The following SPTA1 variants were observed in gnomAD, a reference collection of about 807,000 sequenced individuals.
SPTA1 encodes spectrin alpha, erythrocytic 1, also known as spectrin alpha chain, erythrocytic 1.
SPTA1 carries 177 observed loss-of-function variants against 324.7 expected under a neutral mutation model. That is an observed-to-expected ratio of 0.55 (90% CI 0.48 to 0.62). The LOEUF (loss-of-function observed/expected upper bound fraction) is 0.62. Among genes scored for constraint, SPTA1 ranks in the 20% least tolerant of loss-of-function variants. The pLI is 0.00. For missense variants in SPTA1, 3,162 were observed against 2,883.6 expected, an observed-to-expected ratio of 1.10 and a Z score of -2.21; for synonymous variants, 1,195 against 1,041.3, an observed-to-expected ratio of 1.15 and a Z score of -2.84.
At chr1:158,621,193 A>T (rs918801529) in intron 43 of SPTA1, among the ~76,000 whole-genome samples, 1 of 151,908 alleles carries the variant, frequency 6.6e-6, no homozygotes, top group Non-Finnish European at 1.5e-5. Context: ...AAAAGCATGA[A>T]TTTTTTCAAA....
rs1651410083 is a variant in SPTA1, at chr1:158,639,903, T to C, written c.4842A>G (p.Thr1614=). 5 of 1,613,966 alleles carry C rather than the reference T, an allele frequency of 3.1e-6. No homozygotes were observed. Among genetic ancestry groups the C allele is most frequent in the Non-Finnish European group, 4.2e-6 (5 of 1,179,940 alleles). The part of the protein sequence containing the change: ...NEASRQQRFN[T]SIRDFEFWLS... ...GCCAGAACTCAAAGTCCCGGATGCT[T>C]GTGTTGAACCTCTGTTGACGACTGG... The change falls in exon 34 of 52, where the codon ACA becomes ACG. Residue 1614 remains threonine, a synonymous_variant. Coordinates refer to ENST00000643759, the MANE Select transcript of SPTA1 (RefSeq NM_003126.4).
chr1:158,672,138 CGAT>C lies in SPTA1; in HGVS notation c.1406_1408del (p.His469del), dbSNP rs775280006. The C allele has an allele frequency of 3.1e-6, 5 of 1,613,966 alleles. No individual in the cohort carries two copies. The African/African-American group carries it at 6.7e-5, about 22-fold the overall frequency. On this transcript the variant is annotated inframe_deletion, in exon 11 of 52. Transcript: ENST00000643759. ...AAAGTCCAAGCACTGCTCATACTGA[CGAT>C]GACGCTCGTCCCACAGTTCCAGCAG...
Position 158,652,486 on chromosome 1 carries a change from T to A in SPTA1, c.3356A>T (p.Lys1119Met). The A allele has an allele frequency of 6.2e-7, 1 of 1,614,152 alleles. No homozygotes were observed. Among genetic ancestry groups the A allele is most frequent in the Non-Finnish European group, 8.5e-7 (1 of 1,180,014 alleles). Residue 1119 changes from lysine (K) to methionine (M), a missense_variant, in exon 23 of 52, where the codon AAG (lysine) becomes ATG (methionine). Lys to Met is a moderately conservative substitution (Grantham distance 95). Coordinates refer to ENST00000643759, the MANE Select transcript of SPTA1 (RefSeq NM_003126.4). ...ELDDVWELQK[K>M]FDEFQKDLNT... The stretch of plus-strand genomic sequence containing the variant: ...TCTCACCTTTTGGAACTCATCAAAC[T>A]TTTTCTGCAGCTCCCAAACATCATC...
chr1:158,616,336 A>C (rs765277563), intron 47 of SPTA1, among the ~76,000 whole-genome samples: 2 of 152,148 alleles, frequency 1.3e-5, no homozygotes, highest in African/African-American at 2.4e-5. Flanking sequence ...TCTATCAATT[A>C]CTAGTCTTAT....
At chr1:158,645,918 CT>C (rs1651969420) in intron 27 of SPTA1, among the ~76,000 whole-genome samples, 1 of 152,168 alleles carries the variant, frequency 6.6e-6, no homozygotes, top group Non-Finnish European at 1.5e-5. Context: ...TGTGGTATAA[CT>C]AAAAGCAGAC....
At chr1:158,676,340 ACT>A (rs1227756503) in intron 7 of SPTA1, 45 bp from the exon 8 acceptor site, 2 of 1,609,122 alleles carry the variant, frequency 1.2e-6, no homozygotes, top group African/African-American at 2.7e-5. Context: ...AAGTACTCTG[ACT>A]CCCCCTGGCA....
At position 158,674,392 on chromosome 1, in the gene SPTA1, A is replaced by G; in HGVS notation, c.1287T>C (p.Ala429=). The part of the protein sequence containing the change: ...IDSYDDRFQS[A]DETGQDLVNA... ...TCACGAGGTCTTGACCAGTCTCATC[A>G]GCAGATTGAAATCGGTCATCGTAAG... The change falls in exon 10 of 52, where the codon GCT becomes GCC. Residue 429 remains alanine (A), a synonymous_variant. Transcript: ENST00000643759. 1.2e-6 allele frequency: 2 copies of G among 1,614,144 alleles called. No homozygotes were observed. Among genetic ancestry groups the G allele is most frequent in the Non-Finnish European group, 8.5e-7 (1 of 1,179,972 alleles).
chr1:158,624,377 A>G (rs56037767), intron 42 of SPTA1, among the ~76,000 whole-genome samples: 51,778 of 152,060 alleles, frequency 0.34, 9,363 homozygotes, highest in African/African-American at 0.46. Context: ...CAGGGGTGGA[A>G]CTGCCCAAGG....
Position 158,615,240 on chromosome 1 carries a change from T to C in SPTA1, c.6764A>G (p.Asn2255Ser). ...CTTGGCCTGGATCTGTTGCTCCAGGTTGTGTTGCATCCGCAACCCAAGCTG... is the reference window on the plus strand; with the variant it reads ...CTTGGCCTGGATCTGTTGCTCCAGGCTGTGTTGCATCCGCAACCCAAGCTG... ...LYQLGLRMQHNLEQQIQAKDI... is the reference protein window; with the variant it reads ...LYQLGLRMQHSLEQQIQAKDI... Residue 2255 changes from asparagine (N) to serine (S), a missense_variant, in exon 48 of 52, where the codon AAC becomes AGC. By Grantham distance (46) the Asn-to-Ser change is conservative. Transcript: ENST00000643759. 6.2e-7 allele frequency: 1 copy of C among 1,613,478 alleles called. No individual in the cohort carries two copies. The highest frequency in any genetic ancestry group is 8.5e-7 in the Non-Finnish European group (1 of 1,179,980).
At chr1:158,669,205 A>G (rs1371190624) in intron 14 of SPTA1, among the ~76,000 whole-genome samples, 1 of 152,180 alleles carries the variant, frequency 6.6e-6, no homozygotes, top group Non-Finnish European at 1.5e-5. Context: ...ACATCAGAAT[A>G]TAGGAAAACC....
chr1:158,627,467 C>T (rs1307704266), intron 40 of SPTA1, among the ~76,000 whole-genome samples, 158 bp downstream of exon 40: 1 of 152,148 alleles, frequency 6.6e-6, no homozygotes, highest in East Asian at 1.9e-4. Context: ...TAATTATTTG[C>T]TAACCACAAC....
chr1:158,670,712 T>C (rs192703536), intron 12 of SPTA1, among the ~76,000 whole-genome samples: 1 of 152,204 alleles, frequency 6.6e-6, no homozygotes, highest in Admixed American at 6.5e-5. Flanking sequence ...TGGGACATTG[T>C]AACTTAAGGC....
At chr1:158,611,621 T>C in intron 51 of SPTA1, 1 of 450,160 alleles carries the variant, frequency 2.2e-6, no homozygotes, top group Non-Finnish European at 4.0e-6. Flanking sequence ...TTGATTATTC[T>C]GTAAATCTCA....
intron 48 of SPTA1, 146 bp from the exon 49 acceptor site, chr1:158,614,452 G>T: frequency 1.6e-6 from 1 of 640,932 alleles, no homozygotes; most frequent in Non-Finnish European, 2.7e-6. Context: ...TATAGTCCAT[G>T]GGCCAAATCT....
intron 30 of SPTA1, among the ~76,000 whole-genome samples, chr1:158,643,914 A>T (rs1369334595): frequency 1.3e-5 from 2 of 152,078 alleles, no homozygotes; most frequent in Non-Finnish European, 2.9e-5. Flanking sequence ...AGGTAGGTAG[A>T]TCACTTGAGG....
rs776256889 is a variant in SPTA1 at position 158,642,774 on chromosome 1, G to A, written c.4605+40C>T. 2.9e-5 allele frequency: 46 copies of A among 1,613,510 alleles called. No individual in the cohort carries two copies. In the Middle Eastern group the frequency reaches 5.0e-4, roughly 17 times the overall value. On this transcript the variant is annotated intron_variant, in intron 32 of 51. Coordinates refer to ENST00000643759, the MANE Select transcript of SPTA1 (RefSeq NM_003126.4). ...TGATGACTATCCAACCAACAAGCTC[G>A]GAATGGTGAAATTTTCCAAGATTCC...
intron 46 of SPTA1, 51 bp downstream of exon 46, chr1:158,617,988 C>A (rs1467241912): frequency 5.8e-6 from 9 of 1,544,204 alleles, no homozygotes; most frequent in Non-Finnish European, 7.2e-6. Context: ...TTAACGAATT[C>A]TTCCATAATA....
At chr1:158,646,512 G>A (rs182785906) in intron 27 of SPTA1, among the ~76,000 whole-genome samples, 122 of 152,124 alleles carry the variant, frequency 8.0e-4, no homozygotes, top group African/African-American at 2.8e-3. Context: ...ACAAAAAACA[G>A]AGCATAGGCA....
At chr1:158,670,586 A>G (rs1337995513) in intron 12 of SPTA1, among the ~76,000 whole-genome samples, 1 of 152,150 alleles carries the variant, frequency 6.6e-6, no homozygotes, top group African/African-American at 2.4e-5. Context: ...TGCATGTGGC[A>G]AGGGTGGTGT....
Sources: allele counts gnomAD v4.1 joint callset (sites outside exome capture counted in the v4.1 genomes callset), GRCh38; gene constraint gnomAD v4.1.1; transcripts MANE v1.5; gene names NCBI Gene and HGNC (gene_info 2026-07-23, HGNC 2026-07-21).